ARID1B: variants seen among roughly 807,000 people sequenced by gnomAD.
ARID1B encodes AT-rich interactive domain-containing protein 1B.
Under a neutral mutation model 212.3 loss-of-function variants are expected in ARID1B, and 30 were observed. That is an observed-to-expected ratio of 0.14 (90% CI 0.11 to 0.19). The LOEUF is 0.19. Ranked by LOEUF, ARID1B falls within the 10% of genes least tolerant of loss-of-function variation. The pLI, the probability that ARID1B is intolerant of heterozygous loss-of-function variation, is 1.00. For missense variants in ARID1B, 2,891 were observed against 3,204.0 expected (o/e 0.90, Z 2.36); for synonymous variants, 1,402 against 1,301.7 (o/e 1.08, Z -1.66).
chr6:157,109,928 T>G (rs1258329282), intron 5 of ARID1B, among the ~76,000 whole-genome samples: 1 of 152,260 alleles, frequency 6.6e-6, no homozygotes, highest in Non-Finnish European at 1.5e-5. Context: ...TAATAGTCCC[T>G]TCTTTAGTGA....
intron 6 of ARID1B, among the ~76,000 whole-genome samples, chr6:157,126,335 C>A (rs149346953): frequency 6.6e-6 from 1 of 152,142 alleles, no homozygotes; most frequent in Non-Finnish European, 1.5e-5. Context: ...GAATGGGAGA[C>A]GCAGCCTCTA....
intron 4 of ARID1B, among the ~76,000 whole-genome samples, chr6:157,084,286 A>T (rs1376299222): frequency 1.3e-5 from 2 of 152,216 alleles, no homozygotes; most frequent in Non-Finnish European, 2.9e-5. Flanking sequence ...TTTTTACTTT[A>T]TGAAGTAATC....
chr6:157,083,839 G>GT (rs1396195020), intron 4 of ARID1B, among the ~76,000 whole-genome samples: 5 of 152,200 alleles, frequency 3.3e-5, no homozygotes, highest in Admixed American at 6.5e-5. Flanking sequence ...GCACTTTATT[G>GT]TAAGAATTTC....
At chr6:156,818,173 T>G (rs1035183387) in intron 1 of ARID1B, among the ~76,000 whole-genome samples, 3 of 150,978 alleles carry the variant, frequency 2.0e-5, no homozygotes, top group Non-Finnish European at 4.4e-5. Flanking sequence ...TGTTTTTCTT[T>G]AATGAAGCAC....
At chr6:156,998,804 A>G (rs1778752810) in intron 4 of ARID1B, among the ~76,000 whole-genome samples, 1 of 152,194 alleles carries the variant, frequency 6.6e-6, no homozygotes. Context: ...CTGGGCCTCT[A>G]TTCTGTGATA....
rs1239601972 is a variant in ARID1B, at chr6:156,779,299, CGGCGGCGGCGGG to C, written c.1632_1643del (p.Ala545_Gly548del). 105 of 1,008,902 alleles carry C rather than the reference CGGCGGCGGCGGG, an allele frequency of 1.0e-4. No individual in the cohort carries two copies. Among genetic ancestry groups the C allele is most frequent in the Admixed American group, 6.6e-4 (12 of 18,196 alleles). 62.5% of individuals were successfully genotyped at this position (1,008,902 alleles called of 1,614,324 possible). On this transcript the variant is annotated inframe_deletion, in exon 1 of 20. Coordinates refer to ENST00000636930, the MANE Select transcript of ARID1B (RefSeq NM_001374828.1). ...CCGCCGTCGCAGCCCCAGTCCCAGGCGGCGGCGGCGGGGGCGGCGGCGGGCGGCCAGCAGGCG... is the reference window on the plus strand; with the variant it reads ...CCGCCGTCGCAGCCCCAGTCCCAGGCGGCGGCGGCGGGCGGCCAGCAGGCG...
Position 157,190,195 on chromosome 6 carries a change from G to A in ARID1B, c.4216G>A (p.Gly1406Arg), listed in dbSNP as rs1562336529. The change falls in exon 15 of 20, where the codon GGG becomes AGG. Residue 1406 changes from glycine to arginine, a missense_variant. Transcript: ENST00000636930. The surrounding 1 kb of genome is among the most constrained non-coding windows in gnomAD (Gnocchi z 4.6). ...CTATGAGCCCAACAAGGACCCCTTT[G>A]GGGGAATGAGAAAAGGTACGTGTAG... ...MPYEPNKDPF[G>R]GMRKVPGSSE... The A allele has an allele frequency of 6.2e-7, 1 of 1,612,164 alleles. No individual in the cohort carries two copies.
At position 157,084,777 on chromosome 6, in the gene ARID1B, C is replaced by T. The variant is rs779271100; in HGVS notation, c.2363C>T (p.Ser788Leu). 6 of 1,614,124 alleles carry T rather than the reference C, an allele frequency of 3.7e-6. No individual in the cohort carries two copies. The East Asian group carries it at 1.1e-4, about 30-fold the overall frequency. The part of the protein sequence containing the change: ...SQGDQSNPAQ[S>L]PFSPHASPHL... ...GGGGATCAGAGCAACCCGGCGCAGT[C>T]GCCTTTCTCCCCACATGCGTCCCCT... The change falls in exon 5 of 20, where the codon TCG (serine) becomes TTG (leucine). Residue 788 changes from serine (S) to leucine (L), a missense_variant. By Grantham distance (145) the Ser-to-Leu change is moderately radical. Transcript: ENST00000636930.
intron 2 of ARID1B, among the ~76,000 whole-genome samples, chr6:156,832,072 A>G (rs1405444386): frequency 6.6e-6 from 1 of 152,244 alleles, no homozygotes; most frequent in African/African-American, 2.4e-5. Flanking sequence ...TGTGTATAAC[A>G]TTTTAAAGAA....
intron 1 of ARID1B, among the ~76,000 whole-genome samples, chr6:156,796,480 A>G (rs778797852): frequency 4.7e-5 from 7 of 148,530 alleles, no homozygotes; most frequent in Non-Finnish European, 8.9e-5. Context: ...CTCTGTCATT[A>G]TGATGAAAGG....
chr6:156,986,520 C>T (rs374599163), intron 4 of ARID1B, among the ~76,000 whole-genome samples: 3 of 152,180 alleles, frequency 2.0e-5, no homozygotes, highest in Admixed American at 6.5e-5. Flanking sequence ...CTCTGTCACT[C>T]GGTCAGCTTG....
At chr6:156,966,390 T>C (rs1319755893) in intron 4 of ARID1B, among the ~76,000 whole-genome samples, 5 of 131,908 alleles carry the variant, frequency 3.8e-5, no homozygotes, top group South Asian at 4.5e-4. Context: ...TCTTTTCTTT[T>C]TTTTTTTTTT....
chr6:156,788,687 T>C (rs1281268635), intron 1 of ARID1B, among the ~76,000 whole-genome samples: 3 of 152,220 alleles, frequency 2.0e-5, no homozygotes, highest in African/African-American at 7.2e-5. Flanking sequence ...GACTTGATCC[T>C]TAGCAAAATT....
intron 2 of ARID1B, among the ~76,000 whole-genome samples, chr6:156,891,513 ATATT>A (rs1787919150): frequency 6.6e-6 from 1 of 152,200 alleles, no homozygotes; most frequent in South Asian, 2.1e-4. Context: ...ATTTTGGTAT[ATATT>A]CTTTGAGGCT....
intron 4 of ARID1B, among the ~76,000 whole-genome samples, chr6:156,950,172 T>C (rs1169862315): frequency 1.3e-5 from 2 of 152,224 alleles, no homozygotes; most frequent in African/African-American, 4.8e-5. Flanking sequence ...ATGGTATTAC[T>C]AGTGAGTAGC....
chr6:157,018,211 G>GTTTTTTTTTTT (rs1562552562), intron 4 of ARID1B, among the ~76,000 whole-genome samples: 1 of 45,692 alleles, frequency 2.2e-5, no homozygotes, highest in African/African-American at 1.1e-4. Context: ...AAAGTAGTAT[G>GTTTTTTTTTTT]CTTTTTTTTT....
chr6:156,997,010 G>T (rs1778632116), intron 4 of ARID1B, among the ~76,000 whole-genome samples: 1 of 152,164 alleles, frequency 6.6e-6, no homozygotes. Context: ...GCAGTCTGGT[G>T]AATTTGTCCT....
At chr6:157,099,844 T>C (rs2128492900) in intron 5 of ARID1B, among the ~76,000 whole-genome samples, 1 of 152,280 alleles carries the variant, frequency 6.6e-6, no homozygotes, top group East Asian at 1.9e-4. Context: ...CTGTGAACGG[T>C]GCGTGGGAGC....
chr6:156,777,549 GC>G lies in ARID1B; in HGVS notation c.-130del, dbSNP rs1221651727. ...GTGCCCGGCCCGGCGCTCCGGCGGG[GC>G]CTGCGGAGGGGGAGGGGGTCGCGGC... is the stretch of plus-strand genomic sequence containing the variant. On this transcript the variant is annotated 5_prime_UTR_variant, in exon 1 of 20. Transcript: ENST00000636930. 6.6e-6 allele frequency: 1 copy of G among 151,670 alleles called. No homozygotes were observed. Among genetic ancestry groups the G allele is most frequent in the Admixed American group, 6.6e-5 (1 of 15,212 alleles). 9.4% of individuals were successfully genotyped at this position (151,670 alleles called of 1,614,324 possible).
Sources: allele counts gnomAD v4.1 joint callset (sites outside exome capture counted in the v4.1 genomes callset), GRCh38; gene constraint gnomAD v4.1.1; non-coding constraint Gnocchi (gnomAD v3.1); transcripts MANE v1.5; gene names NCBI Gene and HGNC (gene_info 2026-07-23, HGNC 2026-07-21).